Variants in ACSL3 observed in about 807,000 individuals in gnomAD.
ACSL3 encodes fatty acid CoA ligase Acsl3.
Under a neutral mutation model 84.7 loss-of-function variants are expected in ACSL3, and 34 were observed. That is an observed-to-expected ratio of 0.40 (90% CI 0.31 to 0.53). The LOEUF is 0.53. Among genes scored for constraint, ACSL3 ranks in the 20% least tolerant of loss-of-function variants. The pLI, the probability that ACSL3 is intolerant of heterozygous loss-of-function variation, is 0.48. For missense variants in ACSL3, 680 were observed against 873.1 expected (o/e 0.78, Z 2.79); for synonymous variants, 315 against 299.4 (o/e 1.05, Z -0.54).
rs73063606 is a variant in ACSL3 at position 222,861,723 on chromosome 2, G to A, written c.-207+465G>A. 1.0e-3 allele frequency: 157 copies of A among 152,704 alleles called. 1 individual carries two copies. The highest frequency in any genetic ancestry group is 3.6e-3 in the African/African-American group (151 of 41,592). 9.5% of individuals were successfully genotyped at this position (152,704 alleles called of 1,614,324 possible). ...GCGGGGCGGGAGGGGCTGTTGCTGCGTGGGGTGAGAAGAAACTAGGTGCGT... is the reference window on the plus strand; with the variant it reads ...GCGGGGCGGGAGGGGCTGTTGCTGCATGGGGTGAGAAGAAACTAGGTGCGT... On this transcript the variant is annotated intron_variant, in intron 1 of 16. Transcript: ENST00000357430.
At chr2:222,906,038 T>C (rs555648504) in intron 3 of ACSL3, among the ~76,000 whole-genome samples, 9 of 152,342 alleles carry the variant, frequency 5.9e-5, no homozygotes, top group Middle Eastern at 3.4e-3. Flanking sequence ...TTTATTTGCA[T>C]GCCTCATGAT....
In ACSL3 at chr2:222,934,684, T is replaced by A. The variant is rs141892791; in HGVS notation, c.2002T>A (p.Ser668Thr). The A allele has an allele frequency of 1.2e-6, 2 of 1,607,450 alleles. No homozygotes were observed. The highest frequency in any genetic ancestry group is 2.2e-5 in the East Asian group (1 of 44,718). ...TAAAGTGCTTTCCGAAGCTGCTATT[T>A]CAGGTGAGTATTCGGTTAAACTGAT... ...VLKVLSEAAI[S>T]ASLEKFEIPV... The change falls in exon 16 of 17, where the codon TCA (serine) becomes ACA (threonine). Residue 668 changes from serine to threonine, a missense_variant. Physicochemically the swap from Ser to Thr is moderately conservative, Grantham distance 58. This residue lies in a region of ACSL3 where 347 missense variants were observed against 525.7 expected (regional missense o/e 0.66). Transcript: ENST00000357430.
chr2:222,873,059 G>C (rs966330715), intron 1 of ACSL3, among the ~76,000 whole-genome samples: 2 of 152,168 alleles, frequency 1.3e-5, no homozygotes, highest in African/African-American at 4.8e-5. Flanking sequence ...CAACTAGTTA[G>C]CAATATCTGT....
intron 1 of ACSL3, among the ~76,000 whole-genome samples, chr2:222,873,146 T>C (rs768412361): frequency 6.6e-6 from 1 of 152,190 alleles, no homozygotes; most frequent in Non-Finnish European, 1.5e-5. Context: ...TTGCAAACAG[T>C]TAACTTTTTA....
intron 8 of ACSL3, 46 bp downstream of exon 8, chr2:222,921,476 G>T: frequency 1.3e-6 from 2 of 1,487,212 alleles, no homozygotes; most frequent in Non-Finnish European, 9.1e-7. Context: ...ATTTATGTCT[G>T]TTATAATGTT....
At chr2:222,912,062 G>A (rs1206945150) in intron 4 of ACSL3, among the ~76,000 whole-genome samples, 1 of 152,218 alleles carries the variant, frequency 6.6e-6, no homozygotes, top group Non-Finnish European at 1.5e-5. Flanking sequence ...AGAAGGCTGT[G>A]TCTAGACTGT....
rs115178811 is a variant in ACSL3 at position 222,938,217 on chromosome 2, G to C, written c.2006-3280G>C. On this transcript the variant is annotated intron_variant, in intron 16 of 16. Coordinates refer to ENST00000357430, the MANE Select transcript of ACSL3 (RefSeq NM_004457.5). ...ATACACCTATATCAAATTACTTTCA[G>C]AATTCTGTATTTGCCTATGTATTTA... Among the ~76,000 whole-genome samples the C allele has an allele frequency of 6.1e-3, 924 of 152,108 alleles. 3 individuals carry two copies. The highest frequency in any genetic ancestry group is 0.021 in the African/African-American group (890 of 41,494).
chr2:222,868,499 C>T (rs374369154), intron 1 of ACSL3, among the ~76,000 whole-genome samples: 2 of 152,054 alleles, frequency 1.3e-5, no homozygotes, highest in Admixed American at 6.5e-5. Context: ...GTGTTGCCTT[C>T]TTTTTTGAAG....
chr2:222,937,539 T>C (rs1697206131), intron 16 of ACSL3, among the ~76,000 whole-genome samples: 4 of 152,320 alleles, frequency 2.6e-5, no homozygotes, highest in Middle Eastern at 3.4e-3. Flanking sequence ...TTGACTCTTT[T>C]ATCATTATAT....
At chr2:222,907,751 G>A (rs571216609) in intron 3 of ACSL3, among the ~76,000 whole-genome samples, 117 of 119,234 alleles carry the variant, frequency 9.8e-4, no homozygotes, top group African/African-American at 3.3e-3. Context: ...GTGAGATCCT[G>A]TCTTTAAAAA....
intron 1 of ACSL3, among the ~76,000 whole-genome samples, chr2:222,863,861 A>G (rs1695072621): frequency 6.6e-6 from 1 of 152,226 alleles, no homozygotes; most frequent in South Asian, 2.1e-4. Flanking sequence ...GGCCATCTGC[A>G]TGCAAAACAC....
rs192255073 is a variant in ACSL3 at position 222,906,999 on chromosome 2, G to C, written c.-40-1734G>C. ...AGTCGGTCTTAGAAATTGCTAAGGG[G>C]CTCTGTGTTCTTACAGCCTGCTTCT... On this transcript the variant is annotated intron_variant, in intron 3 of 16. Coordinates refer to ENST00000357430, the MANE Select transcript of ACSL3 (RefSeq NM_004457.5). Among the ~76,000 whole-genome samples, 584 of 152,272 alleles carry C rather than the reference G, an allele frequency of 3.8e-3. 2 individuals are homozygous for C. The highest frequency in any genetic ancestry group is 0.02 in the Middle Eastern group (6 of 294).
intron 16 of ACSL3, among the ~76,000 whole-genome samples, chr2:222,938,557 C>T (rs942267103): frequency 1.3e-5 from 2 of 152,110 alleles, no homozygotes; most frequent in Non-Finnish European, 2.9e-5. Context: ...TCATTTTTCT[C>T]TTGCTGCTTT....
intron 16 of ACSL3, among the ~76,000 whole-genome samples, chr2:222,939,283 A>G (rs1051749443): frequency 1.8e-4 from 27 of 152,212 alleles, no homozygotes; most frequent in African/African-American, 6.3e-4. Context: ...CAGCCCTACT[A>G]CGGATTCTAG....
In ACSL3 at chr2:222,893,577, G is replaced by A. The variant is rs145921118; in HGVS notation, c.-148+5689G>A. On this transcript the variant is annotated intron_variant, in intron 2 of 16. Coordinates refer to ENST00000357430, the MANE Select transcript of ACSL3 (RefSeq NM_004457.5). Reference sequence around the variant, plus strand: ...CTAAGCAGGTAGAACCATTTGATACGTTAGTCTGAAAGTGATCCCTGTGGC... The same window carrying A: ...CTAAGCAGGTAGAACCATTTGATACATTAGTCTGAAAGTGATCCCTGTGGC... 4.4e-3 allele frequency among the ~76,000 whole-genome samples: 670 copies of A among 152,234 alleles called. 2 individuals carry two copies. Among genetic ancestry groups the A allele is most frequent in the Middle Eastern group, 0.02 (6 of 294 alleles).
At chr2:222,874,471 A>C (rs1166454623) in intron 1 of ACSL3, among the ~76,000 whole-genome samples, 10 of 152,286 alleles carry the variant, frequency 6.6e-5, no homozygotes, top group Middle Eastern at 6.8e-3. Flanking sequence ...AGGAAGGATC[A>C]CTTGCACCCA....
Position 222,918,082 on chromosome 2 carries a change from T to C in ACSL3, c.593T>C (p.Ile198Thr), listed in dbSNP as rs777016739. 6.2e-7 allele frequency: 1 copy of C among 1,612,436 alleles called. No individual in the cohort carries two copies. Among genetic ancestry groups the C allele is most frequent in the African/African-American group, 1.3e-5 (1 of 74,884 alleles). Reference sequence around the variant, plus strand: ...TATGCCACTCTAGGAGGTCCAGCCATTGTTCATGCATTAAATGAAACAGAG... The same window carrying C: ...TATGCCACTCTAGGAGGTCCAGCCACTGTTCATGCATTAAATGAAACAGAG... ...TLYATLGGPA[I>T]VHALNETEVT... Residue 198 changes from isoleucine to threonine, a missense_variant, in exon 6 of 17, where the codon ATT becomes ACT. By Grantham distance (89) the Ile-to-Thr change is moderately conservative (BLOSUM62 -1). This residue lies in a region of ACSL3 where 333 missense variants were observed against 347.5 expected (regional missense o/e 0.96). Transcript: ENST00000357430.
rs557510710 is a variant in ACSL3, at chr2:222,939,118, G to A, written c.2006-2379G>A. 6.0e-5 allele frequency among the ~76,000 whole-genome samples: 9 copies of A among 151,252 alleles called. No individual in the cohort carries two copies. The South Asian group carries it at 1.5e-3, about 25-fold the overall frequency. ...TTCATCTATTTCCATGTCTTTCTGG[G>A]GTTTATTTCTGGAGATTTAATTTGA... On this transcript the variant is annotated intron_variant, in intron 16 of 16. Transcript: ENST00000357430.
At chr2:222,937,876 C>A (rs1671725935) in intron 16 of ACSL3, among the ~76,000 whole-genome samples, 1 of 144,674 alleles carries the variant, frequency 6.9e-6, no homozygotes, top group African/African-American at 2.9e-5. Context: ...TCCTCTCTTG[C>A]TGCCTTCTTT....
Sources: allele counts gnomAD v4.1 joint callset (sites outside exome capture counted in the v4.1 genomes callset), GRCh38; gene constraint gnomAD v4.1.1; regional missense constraint gnomAD v4.1.1; transcripts MANE v1.5; gene names NCBI Gene and HGNC (gene_info 2026-07-23, HGNC 2026-07-21).